The following VWA8 variants were observed in gnomAD, a reference collection of about 807,000 sequenced individuals.
VWA8 encodes von Willebrand factor A domain-containing protein 8.
In VWA8, 221 loss-of-function variants were observed where a neutral mutation model predicts 241.5. That is an observed-to-expected ratio of 0.91 (90% CI 0.82 to 1.02). The LOEUF (loss-of-function observed/expected upper bound fraction) is 1.02. Ranked by LOEUF, VWA8 falls within the 50% of genes least tolerant of loss-of-function variation. The pLI, the probability that VWA8 is intolerant of heterozygous loss-of-function variation, is 0.00. For synonymous variants in VWA8, 852 were observed against 827.1 expected (o/e 1.03, Z -0.52); for missense variants, 2,322 against 2,328.7 (o/e 1.00, Z 0.06).
At chr13:41,787,144 A>G (rs551177064) in intron 18 of VWA8, among the ~76,000 whole-genome samples, 2 of 147,862 alleles carry the variant, frequency 1.4e-5, no homozygotes, top group Admixed American at 7.0e-5. Context: ...AAATTAGACA[A>G]GTTGATTTAC....
intron 35 of VWA8, among the ~76,000 whole-genome samples, chr13:41,676,273 A>G (rs1355077665): frequency 6.6e-6 from 1 of 152,124 alleles, no homozygotes; most frequent in Non-Finnish European, 1.5e-5. Flanking sequence ...TTTTGGTTGT[A>G]TCTGTAATCT....
At position 41,798,488 on chromosome 13, in the gene VWA8, G is replaced by T. The variant is rs143764985; in HGVS notation, c.2064-10945C>A. Among the ~76,000 whole-genome samples the T allele has an allele frequency of 4.2e-3, 635 of 152,262 alleles. 4 individuals carry two copies. The highest frequency in any genetic ancestry group is 0.01 in the Middle Eastern group (3 of 294). On this transcript the variant is annotated intron_variant, in intron 17 of 44. Coordinates refer to ENST00000379310, the MANE Select transcript of VWA8 (RefSeq NM_015058.2). ...ACTTTCAGGATACTATCCAATCCTGGAATCTACTATTGCTGATGTAAAGTT... is the reference window on the plus strand; with the variant it reads ...ACTTTCAGGATACTATCCAATCCTGTAATCTACTATTGCTGATGTAAAGTT...
At chr13:41,652,179 C>A (rs1016526079) in intron 37 of VWA8, among the ~76,000 whole-genome samples, 18 of 152,126 alleles carry the variant, frequency 1.2e-4, no homozygotes, top group Non-Finnish European at 1.5e-5. Flanking sequence ...GCCTGTCTGG[C>A]ACCTATAAGC....
At chr13:41,772,848 G>A (rs2045834993) in intron 20 of VWA8, among the ~76,000 whole-genome samples, 1 of 152,166 alleles carries the variant, frequency 6.6e-6, no homozygotes, top group Admixed American at 6.5e-5. Context: ...GTATCTGCAA[G>A]AAAAAGGTGA....
chr13:41,722,484 T>A (rs1274655330), intron 24 of VWA8, among the ~76,000 whole-genome samples: 1 of 152,226 alleles, frequency 6.6e-6, no homozygotes, highest in East Asian at 1.9e-4. Context: ...TTTGTATGTG[T>A]GTATTTAAAA....
intron 25 of VWA8, 116 bp from the exon 26 acceptor site, chr13:41,719,858 C>T: frequency 5.0e-6 from 5 of 994,668 alleles, no homozygotes; most frequent in Non-Finnish European, 5.7e-6. Context: ...AATTTACTGG[C>T]CTTGTCAAAT....
intron 17 of VWA8, among the ~76,000 whole-genome samples, chr13:41,798,301 G>A (rs1488551071): frequency 1.3e-5 from 2 of 152,066 alleles, no homozygotes; most frequent in African/African-American, 4.8e-5. Context: ...CTGCATGCCA[G>A]TCTTTTTCTC....
intron 29 of VWA8, among the ~76,000 whole-genome samples, chr13:41,695,649 T>G (rs549569022): frequency 6.6e-6 from 1 of 152,092 alleles, no homozygotes; most frequent in East Asian, 1.9e-4. Flanking sequence ...AGAGGACAGG[T>G]AGAGAGGAAG....
At chr13:41,734,108 G>A (rs187573867) in intron 21 of VWA8, among the ~76,000 whole-genome samples, 1 of 152,196 alleles carries the variant, frequency 6.6e-6, no homozygotes, top group African/African-American at 2.4e-5. Context: ...GTGAGGCTGA[G>A]GCAGGCAGAT....
chr13:41,913,944 A>G (rs1241587122), intron 2 of VWA8, among the ~76,000 whole-genome samples: 1 of 152,228 alleles, frequency 6.6e-6, no homozygotes, highest in African/African-American at 2.4e-5. Flanking sequence ...AGATGTTACA[A>G]TAGTTTGTGG....
At chr13:41,806,234 T>C (rs112103804) in intron 17 of VWA8, among the ~76,000 whole-genome samples, 128 of 151,710 alleles carry the variant, frequency 8.4e-4, no homozygotes, top group African/African-American at 3.1e-3. Flanking sequence ...GAAAACAGTA[T>C]AATAAAAGAA....
At chr13:41,683,256 TA>T (rs71096535) in intron 35 of VWA8, among the ~76,000 whole-genome samples, 99 of 141,282 alleles carry the variant, frequency 7.0e-4, no homozygotes, top group African/African-American at 1.2e-3. Flanking sequence ...ACTTGGCAAT[TA>T]AAAAAAAAAA....
At chr13:41,727,980 C>G (rs2045450473) in intron 23 of VWA8, among the ~76,000 whole-genome samples, 1 of 152,010 alleles carries the variant, frequency 6.6e-6, no homozygotes, top group Non-Finnish European at 1.5e-5. Flanking sequence ...GATAGAATTG[C>G]AAGTCCAGAA....
In VWA8 at chr13:41,698,972, G is replaced by A. The variant is rs2045231874; in HGVS notation, c.3564+99C>T. On this transcript the variant is annotated intron_variant, in intron 29 of 44. Coordinates refer to ENST00000379310, the MANE Select transcript of VWA8 (RefSeq NM_015058.2). ...ACCCATCCCTCCAGCTCCTCTCCTT[G>A]ATCATCATGAAAGCACATCTTTTCA... The A allele has an allele frequency of 3.9e-6, 6 of 1,526,958 alleles. No homozygotes were observed. In the Admixed American group the frequency reaches 1.0e-4, roughly 26 times the overall value. The allele number at this position is 1,526,958 out of a possible 1,614,324, so 94.6% of individuals were successfully genotyped here. A position where few individuals can be genotyped will look rare whatever the true frequency, so the allele number is the denominator to read the frequency against.
In VWA8 at chr13:41,699,100, T is replaced by C. The variant is rs374019508; in HGVS notation, c.3535A>G (p.Lys1179Glu). The change falls in exon 29 of 45, where the codon AAA becomes GAA. Residue 1179 changes from lysine (K) to glutamate (E), a missense_variant. Coordinates refer to ENST00000379310, the MANE Select transcript of VWA8 (RefSeq NM_015058.2). ...VTVAPLGSPL[K>E]GQVVLHEQQS... ...TGCTCATGGAGAACCACTTGACCTTTGAGAGGACTTCCCAGCGGTGCCACT... is the reference window on the plus strand; with the variant it reads ...TGCTCATGGAGAACCACTTGACCTTCGAGAGGACTTCCCAGCGGTGCCACT... 2.6e-5 allele frequency: 42 copies of C among 1,613,862 alleles called. No individual in the cohort carries two copies. The highest frequency in any genetic ancestry group is 3.5e-5 in the Non-Finnish European group (41 of 1,179,898).
intron 33 of VWA8, 102 bp from the exon 34 acceptor site, chr13:41,689,610 T>C: frequency 8.4e-7 from 1 of 1,184,092 alleles, no homozygotes; most frequent in Non-Finnish European, 1.1e-6. Context: ...AAAGAACAAG[T>C]TAAAAAAGAG....
intron 2 of VWA8, among the ~76,000 whole-genome samples, chr13:41,919,329 T>C (rs1876403854): frequency 6.6e-6 from 1 of 152,160 alleles, no homozygotes; most frequent in African/African-American, 2.4e-5. Context: ...CAGTCTTTGC[T>C]ACCAGAGATT....
At position 41,695,043 on chromosome 13, in the gene VWA8, G is replaced by C. The variant is rs1222179425; in HGVS notation, c.3565-2071C>G. Among the ~76,000 whole-genome samples the C allele has an allele frequency of 2.6e-5, 4 of 152,272 alleles. No homozygotes were observed. The East Asian group carries it at 7.7e-4, about 29-fold the overall frequency. On this transcript the variant is annotated intron_variant, in intron 29 of 44. Coordinates refer to ENST00000379310, the MANE Select transcript of VWA8 (RefSeq NM_015058.2). ...CTGTAAATGACTAATGATAGATTCT[G>C]TCTGGGTTTAAAAATAGAATTTTGC...
At chr13:41,591,462 G>A (rs759537295) in intron 40 of VWA8, among the ~76,000 whole-genome samples, 79 of 152,278 alleles carry the variant, frequency 5.2e-4, no homozygotes, top group Middle Eastern at 3.4e-3. Context: ...TAATGAGTGG[G>A]AAGAATAGCT....
Sources: allele counts gnomAD v4.1 joint callset (sites outside exome capture counted in the v4.1 genomes callset), GRCh38; gene constraint gnomAD v4.1.1; transcripts MANE v1.5; gene names NCBI Gene and HGNC (gene_info 2026-07-23, HGNC 2026-07-21).